Variants in SP4 observed in about 807,000 individuals in gnomAD.
SP4 encodes transcription factor Sp4.
SP4 carries 19 observed loss-of-function variants against 72.8 expected under a neutral mutation model. The ratio of observed to expected loss-of-function variants is 0.26; its 90% CI spans 0.18 to 0.38. The LOEUF (loss-of-function observed/expected upper bound fraction) is 0.38, where lower values mean the gene tolerates loss of function less well. Among genes scored for constraint, SP4 ranks in the 10% least tolerant of loss-of-function variants. The probability of loss-of-function intolerance (pLI) is 1.00; values close to 1 mark genes in which losing one functional copy is unlikely to be tolerated. For synonymous variants in SP4, 395 were observed against 333.1 expected, an observed-to-expected ratio of 1.19 and a Z score of -2.02; for missense variants, 1,008 against 926.3, an observed-to-expected ratio of 1.09 and a Z score of -1.14.
intron 3 of SP4, among the ~76,000 whole-genome samples, chr7:21,436,572 C>T (rs950998615): frequency 1.3e-5 from 2 of 152,124 alleles, no homozygotes; most frequent in Non-Finnish European, 2.9e-5. Context: ...TTAAGTCAAT[C>T]CTTACACAGT....
intron 5 of SP4, among the ~76,000 whole-genome samples, chr7:21,485,706 A>G (rs1784796229): frequency 6.6e-6 from 1 of 152,024 alleles, no homozygotes; most frequent in African/African-American, 2.4e-5. Context: ...CAATAAAGTT[A>G]GACAATGCCT....
At chr7:21,500,994 G>A (rs1002816393) in intron 5 of SP4, among the ~76,000 whole-genome samples, 4 of 152,112 alleles carry the variant, frequency 2.6e-5, no homozygotes, top group Admixed American at 6.5e-5. Context: ...ATGGTAGGCA[G>A]GCACACCCAG....
chr7:21,488,715 G>T (rs78148428), intron 5 of SP4, among the ~76,000 whole-genome samples: 1 of 151,308 alleles, frequency 6.6e-6, no homozygotes, highest in East Asian at 1.9e-4. Context: ...CTATGATCCC[G>T]TGAATAGCCA....
intron 3 of SP4, among the ~76,000 whole-genome samples, chr7:21,436,621 G>C (rs1179711353): frequency 1.3e-5 from 2 of 152,164 alleles, no homozygotes; most frequent in Non-Finnish European, 2.9e-5. Flanking sequence ...CCTAATATCA[G>C]AGTGTACACA....
rs1782137868 is a variant in SP4 at position 21,511,343 on chromosome 7, C to A, written c.*74C>A. ...TTTGAAAATCTGGAAATGGGCTGGT[C>A]AAGTGGATTACAGAGTAGGAAATTA... On this transcript the variant is annotated 3_prime_UTR_variant, in exon 6 of 6. Transcript: ENST00000222584. The A allele has an allele frequency of 4.2e-6, 6 of 1,421,818 alleles. No individual in the cohort carries two copies. Among genetic ancestry groups the A allele is most frequent in the Middle Eastern group, 1.8e-4 (1 of 5,494 alleles). 88.1% of individuals were successfully genotyped at this position (1,421,818 alleles called of 1,614,324 possible). A position where few individuals can be genotyped will look rare whatever the true frequency, so the allele number is the denominator to read the frequency against.
chr7:21,464,111 C>G (rs1784086088), intron 3 of SP4, among the ~76,000 whole-genome samples: 1 of 149,396 alleles, frequency 6.7e-6, no homozygotes, highest in South Asian at 2.1e-4. Flanking sequence ...ATTCCCTTGT[C>G]AGGGCGCTCT....
At chr7:21,443,627 G>T (rs1783328896) in intron 3 of SP4, among the ~76,000 whole-genome samples, 1 of 152,184 alleles carries the variant, frequency 6.6e-6, no homozygotes, top group Non-Finnish European at 1.5e-5. Flanking sequence ...ATAGGAACGA[G>T]ATAGTGATCT....
chr7:21,469,195 T>G (rs529888015), intron 3 of SP4, among the ~76,000 whole-genome samples: 72 of 152,186 alleles, frequency 4.7e-4, no homozygotes, highest in African/African-American at 1.6e-3. Flanking sequence ...ATTTGTAATA[T>G]TAATAACTTA....
chr7:21,428,695 A>C lies in SP4; in HGVS notation c.26A>C (p.Glu9Ala), dbSNP rs773798190. MSDQKKEE[E>A]EEAAAAAAMA... ...GTTGCAGATCAGAAGAAGGAGGAGG[A>C]GGAGGAGGCGGCAGCGGCAGCGGCG... Residue 9 changes from glutamate (E) to alanine (A), a missense_variant, in exon 2 of 6, where the codon GAG (glutamate) becomes GCG (alanine). This residue lies in a region of SP4 where 893 missense variants were observed against 743.3 expected (regional missense o/e 1.20). Coordinates refer to ENST00000222584, the MANE Select transcript of SP4 (RefSeq NM_003112.5). 24 of 1,553,536 alleles carry C rather than the reference A, an allele frequency of 1.5e-5. No homozygotes were observed. The Admixed American group carries it at 4.5e-4, about 29-fold the overall frequency.
rs147762684 is a variant in SP4, at chr7:21,430,098, C to A, written c.933C>A (p.Ala311=). ...VSTPTNTTTS[A]STMPESPSSS... ...CACCCACCAACACCACTACTTCTGC[C>A]AGTACTATGCCAGAATCTCCCTCCT... Residue 311 remains alanine, a synonymous_variant, in exon 3 of 6, where the codon GCC becomes GCA. Transcript: ENST00000222584. 6.7e-5 allele frequency: 108 copies of A among 1,614,180 alleles called. No homozygotes were observed. Among genetic ancestry groups the A allele is most frequent in the Non-Finnish European group, 8.8e-5 (104 of 1,180,024 alleles).
chr7:21,460,767 G>T (rs901839864), intron 3 of SP4, among the ~76,000 whole-genome samples: 5 of 152,076 alleles, frequency 3.3e-5, no homozygotes, highest in Non-Finnish European at 7.4e-5. Context: ...GCTACATACA[G>T]AGTGTAGATT....
Position 21,428,810 on chromosome 7 carries a change from A to C in SP4, c.123+18A>C. ...GCTCCCAGGTAAAAGCAAACAAATT[A>C]AAAAAATTCATCACGACACATTAGG... On this transcript the variant is annotated intron_variant, in intron 2 of 5. Transcript: ENST00000222584. The C allele has an allele frequency of 1.3e-6, 2 of 1,535,838 alleles. No homozygotes were observed. Among genetic ancestry groups the C allele is most frequent in the African/African-American group, 1.4e-5 (1 of 72,000 alleles).
intron 3 of SP4, among the ~76,000 whole-genome samples, chr7:21,468,556 T>C (rs924475638): frequency 6.6e-6 from 1 of 151,962 alleles, no homozygotes; most frequent in African/African-American, 2.4e-5. Flanking sequence ...GTTGCTGATA[T>C]GGTTGGGAAC....
chr7:21,463,297 A>G (rs1047005622), intron 3 of SP4, among the ~76,000 whole-genome samples: 5 of 152,162 alleles, frequency 3.3e-5, no homozygotes, highest in Non-Finnish European at 7.3e-5. Context: ...GACAGAGGGA[A>G]AAAAATTGGA....
At chr7:21,441,478 A>G (rs1783243891) in intron 3 of SP4, among the ~76,000 whole-genome samples, 14 of 152,230 alleles carry the variant, frequency 9.2e-5, no homozygotes, top group Admixed American at 9.2e-4. Context: ...ATTTCCTAAC[A>G]TTTTGTTTCA....
chr7:21,494,151 C>T (rs1030891706), intron 5 of SP4, among the ~76,000 whole-genome samples: 1 of 152,134 alleles, frequency 6.6e-6, no homozygotes, highest in Non-Finnish European at 1.5e-5. Context: ...GGGTAAAGGG[C>T]ATTTGCTAGA....
chr7:21,494,667 G>A (rs1206755481), intron 5 of SP4, among the ~76,000 whole-genome samples: 3 of 152,144 alleles, frequency 2.0e-5, no homozygotes, highest in Non-Finnish European at 4.4e-5. Context: ...TGTATTCAAG[G>A]ATTGGATGGC....
intron 3 of SP4, among the ~76,000 whole-genome samples, chr7:21,447,248 C>T (rs1477197826): frequency 1.3e-5 from 2 of 152,218 alleles, no homozygotes; most frequent in African/African-American, 4.8e-5. Flanking sequence ...CTCTTCTGTT[C>T]AATATTACCT....
intron 4 of SP4, among the ~76,000 whole-genome samples, chr7:21,480,089 A>G (rs535346570): frequency 6.6e-6 from 1 of 151,662 alleles, no homozygotes; most frequent in East Asian, 1.9e-4. Context: ...TTTCCTTTCT[A>G]CTCTGCAGGA....
Sources: allele counts gnomAD v4.1 joint callset (sites outside exome capture counted in the v4.1 genomes callset), GRCh38; gene constraint gnomAD v4.1.1; regional missense constraint gnomAD v4.1.1; transcripts MANE v1.5; gene names NCBI Gene and HGNC (gene_info 2026-07-23, HGNC 2026-07-21).